The following PPP1R21 variants were observed in gnomAD, a reference collection of about 807,000 sequenced individuals.
The protein encoded by PPP1R21 is protein phosphatase 1 regulatory subunit 21.
PPP1R21 carries 85 observed loss-of-function variants against 112.8 expected under a neutral mutation model. The ratio of observed to expected loss-of-function variants is 0.75; its 90% CI spans 0.63 to 0.90. The LOEUF is 0.90. Among genes scored for constraint, PPP1R21 ranks in the 40% least tolerant of loss-of-function variants. The probability of loss-of-function intolerance (pLI) is 0.00; values close to 1 mark genes in which losing one functional copy is unlikely to be tolerated. For missense variants in PPP1R21, 1,199 were observed against 901.5 expected, an observed-to-expected ratio of 1.33 and a Z score of -4.23; for synonymous variants, 381 against 322.3, an observed-to-expected ratio of 1.18 and a Z score of -1.95.
chr2:48,498,383 A>T, intron 16 of PPP1R21, 110 bp from the exon 17 acceptor site: 1 of 1,010,012 alleles, frequency 9.9e-7, no homozygotes, highest in Non-Finnish European at 1.5e-6. Context: ...TTATTATTAT[A>T]TTTTTACCTC....
intron 15 of PPP1R21, among the ~76,000 whole-genome samples, chr2:48,491,642 T>C (rs1669569377): frequency 6.6e-6 from 1 of 152,196 alleles, no homozygotes; most frequent in Non-Finnish European, 1.5e-5. Flanking sequence ...AATTGACTTT[T>C]TTAGAAAACA....
rs558764217 is a variant in PPP1R21 at position 48,492,327 on chromosome 2, TCTTTTCTC to T, written c.1599+1166_1599+1173del. On this transcript the variant is annotated intron_variant, in intron 15 of 21. Coordinates refer to ENST00000294952, the MANE Select transcript of PPP1R21 (RefSeq NM_001135629.3). ...CTTCCTTCCTTCACTTTTCTTTTGT[TCTTTTCTC>T]CTTTTCTCTTTTCTTGTCCTTTTTT... 2.6e-5 allele frequency among the ~76,000 whole-genome samples: 4 copies of T among 152,322 alleles called. No homozygotes were observed. In the South Asian group the frequency reaches 8.3e-4, roughly 32 times the overall value.
At chr2:48,464,749 A>G (rs770589409) in intron 7 of PPP1R21, among the ~76,000 whole-genome samples, 188 bp from the exon 8 acceptor site, 4 of 152,220 alleles carry the variant, frequency 2.6e-5, no homozygotes, top group Non-Finnish European at 4.4e-5. Flanking sequence ...AGTTAAAAAA[A>G]GATGGGAAGT....
intron 9 of PPP1R21, 124 bp from the exon 10 acceptor site, chr2:48,470,961 TGA>T: frequency 1.5e-6 from 1 of 657,408 alleles, no homozygotes; most frequent in Non-Finnish European, 2.6e-6. Context: ...CACAGGAGTT[TGA>T]GGCTGCAGTG....
rs914070701 is a variant in PPP1R21, at chr2:48,507,207, T to TTTC, written c.1969-60_1969-58dup. On this transcript the variant is annotated intron_variant, in intron 18 of 21. Transcript: ENST00000294952. ...AAAATGTTGTCTTTTTTTTTTTTTT[T>TTTC]TTCTAGAAATGCTTCATCTCACTGG... 2.2e-6 allele frequency: 3 copies of TTTC among 1,379,498 alleles called. No individual in the cohort carries two copies. The African/African-American group carries it at 4.5e-5, about 21-fold the overall frequency. 85.5% of individuals were successfully genotyped at this position (1,379,498 alleles called of 1,614,324 possible).
rs1021864774 is a variant in PPP1R21 at position 48,464,107 on chromosome 2, T to C, written c.695-830T>C. On this transcript the variant is annotated intron_variant, in intron 7 of 21. Coordinates refer to ENST00000294952, the MANE Select transcript of PPP1R21 (RefSeq NM_001135629.3). ...GTTAGCAAAAGCGTTGTTGAAACAA[T>C]GGACCAGGCTGGGAAGCAAAACAAG... Among the ~76,000 whole-genome samples, 6 of 152,180 alleles carry C rather than the reference T, an allele frequency of 3.9e-5. No homozygotes were observed. The East Asian group carries it at 1.2e-3, about 29-fold the overall frequency.
intron 17 of PPP1R21, among the ~76,000 whole-genome samples, chr2:48,504,303 C>G (rs189825987): frequency 6.6e-6 from 1 of 152,194 alleles, no homozygotes; most frequent in Admixed American, 6.5e-5. Context: ...GATATACTCT[C>G]AGTGTTCAGA....
chr2:48,454,986 C>T (rs1431534212), intron 3 of PPP1R21, among the ~76,000 whole-genome samples: 5 of 151,998 alleles, frequency 3.3e-5, no homozygotes, highest in Non-Finnish European at 7.4e-5. Context: ...TATAGGTGTG[C>T]ACAACCATGC....
intron 11 of PPP1R21, among the ~76,000 whole-genome samples, chr2:48,474,031 A>G (rs1272353388): frequency 6.6e-6 from 1 of 152,194 alleles, no homozygotes; most frequent in East Asian, 1.9e-4. Context: ...TTCTTTAGGA[A>G]TTTAGTCTGT....
chr2:48,447,234 G>A (rs1197272965), intron 1 of PPP1R21, among the ~76,000 whole-genome samples: 2 of 152,154 alleles, frequency 1.3e-5, no homozygotes, highest in African/African-American at 4.8e-5. Flanking sequence ...GGAGGAAGTA[G>A]GGCCAGTAGG....
At chr2:48,493,597 C>A (rs202085325) in intron 15 of PPP1R21, among the ~76,000 whole-genome samples, 1 of 151,208 alleles carries the variant, frequency 6.6e-6, no homozygotes, top group Non-Finnish European at 1.5e-5. Context: ...GAAAAAAATA[C>A]ATAAATAAAT....
intron 9 of PPP1R21, among the ~76,000 whole-genome samples, chr2:48,469,322 T>C (rs182291457): frequency 4.0e-4 from 11 of 27,490 alleles, no homozygotes; most frequent in Admixed American, 3.6e-3. Flanking sequence ...CACACACACA[T>C]ATATATATAG....
intron 15 of PPP1R21, 47 bp from the exon 16 acceptor site, chr2:48,495,632 G>T (rs754385788): frequency 4.0e-6 from 4 of 991,856 alleles, no homozygotes; most frequent in South Asian, 3.9e-5. Context: ...GCAGGGGAGG[G>T]GTGATACAAT....
Position 48,480,117 on chromosome 2 carries a change from A to C in PPP1R21, c.1318+101A>C, listed in dbSNP as rs955278557. ...AACACTGCCAAGGGTAATAGACCCC[A>C]GATAAAGGCTTATTAGCATTTGGCT... On this transcript the variant is annotated intron_variant, in intron 13 of 21. Coordinates refer to ENST00000294952, the MANE Select transcript of PPP1R21 (RefSeq NM_001135629.3). 17 of 810,290 alleles carry C rather than the reference A, an allele frequency of 2.1e-5. No individual in the cohort carries two copies. In the African/African-American group the frequency reaches 2.2e-4, roughly 10 times the overall value. 50.2% of individuals were successfully genotyped at this position (810,290 alleles called of 1,614,324 possible).
chr2:48,444,954 C>A, intron 1 of PPP1R21, among the ~76,000 whole-genome samples: 1 of 151,212 alleles, frequency 6.6e-6, no homozygotes, highest in Non-Finnish European at 1.5e-5. Context: ...GCTTCCTTTG[C>A]ATATAAAGGG....
At chr2:48,505,414 C>T (rs892297447) in intron 17 of PPP1R21, 150 bp from the exon 18 acceptor site, 1 of 616,280 alleles carries the variant, frequency 1.6e-6, no homozygotes, top group Non-Finnish European at 2.9e-6. Context: ...TCTTCATGTC[C>T]TTGTAGTAAA....
At position 48,498,709 on chromosome 2, in the gene PPP1R21, T is replaced by C. The variant is rs1669963961; in HGVS notation, c.1909T>C (p.Leu637=). The stretch of plus-strand genomic sequence containing the variant: ...GGATGAAGCCACAGCTAAGGCTGTG[T>C]TGGAGCCCATTCAGAGCACCAGTCT... ...GQDEATAKAV[L]EPIQSTSLIG... Residue 637 remains leucine (L), a synonymous_variant, in exon 17 of 22, where the codon TTG becomes CTG. Transcript: ENST00000294952. The C allele has an allele frequency of 2.5e-6, 4 of 1,614,108 alleles. No individual in the cohort carries two copies. Among genetic ancestry groups the C allele is most frequent in the Non-Finnish European group, 2.5e-6 (3 of 1,180,030 alleles).
intron 9 of PPP1R21, among the ~76,000 whole-genome samples, chr2:48,467,933 C>G (rs1375319693): frequency 6.6e-6 from 1 of 152,202 alleles, no homozygotes; most frequent in African/African-American, 2.4e-5. Flanking sequence ...TGCCATTCGT[C>G]CTACATAACC....
In PPP1R21 at chr2:48,498,529, C is replaced by T; in HGVS notation, c.1729C>T (p.Gln577Ter). The change falls in exon 17 of 22, where the codon CAG becomes TAG. Residue 577 changes from glutamine to a stop codon, truncating the protein, a stop_gained. Coordinates refer to ENST00000294952, the MANE Select transcript of PPP1R21 (RefSeq NM_001135629.3). LOFTEE classifies it high-confidence loss of function. ...QSLEKISKLE[Q>*]EKEHWMLEAQ... ...TTTGGAAAAGATTTCTAAACTGGAG[C>T]AGGAAAAAGAACATTGGATGTTGGA... The T allele has an allele frequency of 6.2e-7, 1 of 1,614,058 alleles. No individual in the cohort carries two copies. The highest frequency in any genetic ancestry group is 8.5e-7 in the Non-Finnish European group (1 of 1,179,972).
Sources: gnomAD v4.1 joint callset for allele counts (sites outside exome capture counted in the v4.1 genomes callset) on GRCh38, gnomAD v4.1.1 for gene constraint, MANE v1.5 for transcripts, NCBI Gene and HGNC (gene_info 2026-07-23, HGNC 2026-07-21) for gene names.